EPC1: variants seen among roughly 807,000 people sequenced by gnomAD.
EPC1 encodes the protein enhancer of polycomb homolog 1.
EPC1 carries 12 observed loss-of-function variants against 98.4 expected under a neutral mutation model. The ratio of observed to expected loss-of-function variants is 0.12; its 90% CI spans 0.08 to 0.20. The LOEUF is 0.20. Among genes scored for constraint, EPC1 ranks in the 10% least tolerant of loss-of-function variants. The pLI, the probability that EPC1 is intolerant of heterozygous loss-of-function variation, is 1.00. For missense variants in EPC1, 729 were observed against 990.5 expected (o/e 0.74, Z 3.54); for synonymous variants, 357 against 363.9 (o/e 0.98, Z 0.21).
chr10:32,294,079 T>C (rs955163179), intron 2 of EPC1, among the ~76,000 whole-genome samples: 1 of 152,232 alleles, frequency 6.6e-6, no homozygotes, highest in Non-Finnish European at 1.5e-5. Flanking sequence ...GCCATTTTTA[T>C]AGCTCAAAAA....
chr10:32,272,316 AG>A, intron 11 of EPC1, 149 bp from the exon 12 acceptor site: 1 of 603,022 alleles, frequency 1.7e-6, no homozygotes, highest in African/African-American at 1.9e-5. Flanking sequence ...GAGATGCAAC[AG>A]TAATTATATC....
At chr10:32,367,816 A>C (rs1839642401) in intron 1 of EPC1, among the ~76,000 whole-genome samples, 2 of 152,234 alleles carry the variant, frequency 1.3e-5, no homozygotes, top group Admixed American at 1.3e-4. Context: ...GCTGTTAGCC[A>C]GCCTAACACA....
At chr10:32,360,312 G>T (rs1839405922) in intron 1 of EPC1, among the ~76,000 whole-genome samples, 1 of 152,064 alleles carries the variant, frequency 6.6e-6, no homozygotes. Context: ...TTTCCTCATT[G>T]CCAAGTGATT....
intron 1 of EPC1, among the ~76,000 whole-genome samples, chr10:32,355,607 C>CTTTTTTTTT (rs542748610): frequency 1.4e-5 from 1 of 72,848 alleles, no homozygotes; most frequent in African/African-American, 4.5e-5. Context: ...GTGCCTTACC[C>CTTTTTTTTT]TTTTTTTTTT....
chr10:32,271,845 C>T lies in EPC1; in HGVS notation c.2078G>A (p.Gly693Asp), dbSNP rs770496925. 1.2e-6 allele frequency: 2 copies of T among 1,614,144 alleles called. No homozygotes were observed. The highest frequency in any genetic ancestry group is 2.2e-5 in the South Asian group (2 of 91,076). ...ATTTGAAGGCTGTAACAAAGCTGAA[C>T]CTGCCGTTGATGGACTTGTATGTAC... ...ALVHTSPSTA[G>D]SALLQPSNIT... The change falls in exon 13 of 14, where the codon GGT (glycine) becomes GAT (aspartate). Residue 693 changes from glycine (G) to aspartate (D), a missense_variant. Coordinates refer to ENST00000319778, the MANE Select transcript of EPC1 (RefSeq NM_001272004.3).
chr10:32,304,563 A>G (rs937123819), intron 2 of EPC1, among the ~76,000 whole-genome samples: 6 of 152,224 alleles, frequency 3.9e-5, no homozygotes, highest in African/African-American at 1.2e-4. Context: ...TGCAAGGAAC[A>G]ATAAAAACAA....
intron 1 of EPC1, among the ~76,000 whole-genome samples, chr10:32,333,809 C>T (rs1319814668): frequency 6.6e-6 from 1 of 152,128 alleles, no homozygotes; most frequent in East Asian, 1.9e-4. Context: ...AAGGTAGTAA[C>T]GGGCGTATCT....
intron 6 of EPC1, among the ~76,000 whole-genome samples, chr10:32,287,983 T>C (rs1376480436): frequency 6.6e-6 from 1 of 152,150 alleles, no homozygotes; most frequent in Non-Finnish European, 1.5e-5. Context: ...TTGGGAGAAG[T>C]ATGAATTTGA....
intron 10 of EPC1, among the ~76,000 whole-genome samples, chr10:32,279,149 G>A (rs1299321298): frequency 6.6e-6 from 1 of 151,930 alleles, no homozygotes. Flanking sequence ...AGGAGTTCGA[G>A]ACTGCCTGGC....
chr10:32,284,636 A>T, intron 10 of EPC1, 62 bp downstream of exon 10: 1 of 1,361,726 alleles, frequency 7.3e-7, no homozygotes, highest in Non-Finnish European at 1.0e-6. Context: ...ATAGTCGAAC[A>T]AATGGGAAAT....
chr10:32,344,409 A>AAAT (rs1838608805), intron 1 of EPC1, among the ~76,000 whole-genome samples: 1 of 150,606 alleles, frequency 6.6e-6, no homozygotes, highest in East Asian at 1.9e-4. Context: ...TGGAAAAGGC[A>AAAT]ATCTGAAGAA....
At chr10:32,320,247 A>C (rs771549049) in intron 1 of EPC1, among the ~76,000 whole-genome samples, 2 of 152,162 alleles carry the variant, frequency 1.3e-5, no homozygotes, top group African/African-American at 4.8e-5. Flanking sequence ...AAAAAGTACA[A>C]TCTGTACAAG....
rs151060509 is a variant in EPC1 at position 32,336,091 on chromosome 10, G to A, written c.153+10672C>T. 1.2e-3 allele frequency among the ~76,000 whole-genome samples: 174 copies of A among 140,564 alleles called. 3 individuals are homozygous for A. In the East Asian group the frequency reaches 0.029, roughly 23 times the overall value. The allele number at this position is 140,564 out of a possible 152,430, so 92.2% of individuals were successfully genotyped here. On this transcript the variant is annotated intron_variant, in intron 1 of 13. Coordinates refer to ENST00000319778, the MANE Select transcript of EPC1 (RefSeq NM_001272004.3). ...TCTTTTTTTTTTTTTTTTTTGAGAC[G>A]GAGTTTTGCTCTTATTGTCCAGGCT...
At chr10:32,293,570 T>C in intron 3 of EPC1, 22 bp downstream of exon 3, 1 of 1,601,680 alleles carries the variant, frequency 6.2e-7, no homozygotes. Flanking sequence ...TATATACTTG[T>C]TATATACAAA....
At chr10:32,288,312 C>CTTTTTTTTTTTTTTTTTTTTTTTTTTT (rs5784278) in intron 6 of EPC1, among the ~76,000 whole-genome samples, 1 of 124,102 alleles carries the variant, frequency 8.1e-6, no homozygotes, top group African/African-American at 3.2e-5. Context: ...TTACTTTTTT[C>CTTTTTTTTTTTTTTTTTTTTTTTTTTT]TTTTTTTTTT....
chr10:32,341,321 G>GTGTGTC (rs1554823989), intron 1 of EPC1, among the ~76,000 whole-genome samples: 38 of 93,514 alleles, frequency 4.1e-4, no homozygotes, highest in Admixed American at 7.5e-4. Flanking sequence ...ACATGTCTGT[G>GTGTGTC]TGTGTGTGTC....
intron 5 of EPC1, 114 bp from the exon 6 acceptor site, chr10:32,291,436 T>A (rs1834844836): frequency 1.3e-6 from 1 of 783,396 alleles, no homozygotes; most frequent in Non-Finnish European, 1.9e-6. Context: ...AATTAACATA[T>A]CCATCACCTC....
chr10:32,271,884 G>A lies in EPC1; in HGVS notation c.2039C>T (p.Thr680Ile), dbSNP rs144599692. The A allele has an allele frequency of 5.1e-5, 83 of 1,614,054 alleles. No homozygotes were observed. In the African/African-American group the frequency reaches 9.7e-4, roughly 19 times the overall value. The change falls in exon 13 of 14, where the codon ACA becomes ATA. Residue 680 changes from threonine (T) to isoleucine (I), a missense_variant. Around this residue, in one of 6 missense-constraint regions of EPC1, gnomAD observed 156 missense variants for 188.9 expected, o/e 0.83. Coordinates refer to ENST00000319778, the MANE Select transcript of EPC1 (RefSeq NM_001272004.3). ...ACTTGTATGTACAAGTGCTGTTGGT[G>A]TAGTACTACTGAGGTGTAAGCCCTT... is the stretch of plus-strand genomic sequence containing the variant. The part of the protein sequence containing the change: ...VYKGLHLSST[T>I]PTALVHTSPS...
chr10:32,371,640 T>C (rs979530620), intron 1 of EPC1, among the ~76,000 whole-genome samples: 2 of 152,192 alleles, frequency 1.3e-5, no homozygotes, highest in East Asian at 1.9e-4. Context: ...GGCTCACCCC[T>C]GTAATCCCAG....
Sources: allele counts gnomAD v4.1 joint callset (sites outside exome capture counted in the v4.1 genomes callset), GRCh38; gene constraint gnomAD v4.1.1; regional missense constraint gnomAD v4.1.1; transcripts MANE v1.5; gene names NCBI Gene and HGNC (gene_info 2026-07-23, HGNC 2026-07-21).